The following ARMC8 variants were observed in gnomAD, a reference collection of about 807,000 sequenced individuals.
ARMC8 encodes the protein armadillo repeat-containing protein 8.
In ARMC8, 20 loss-of-function variants were observed where a neutral mutation model predicts 99.3. That is an observed-to-expected ratio of 0.20 (90% confidence interval 0.14 to 0.29). The LOEUF (loss-of-function observed/expected upper bound fraction) is 0.29, where lower values mean the gene tolerates loss of function less well. ARMC8 is among the 10% of genes least tolerant of loss of function. ARMC8 has a pLI of 1.00. For synonymous variants in ARMC8, 263 were observed against 278.3 expected (o/e 0.95, Z 0.55); for missense variants, 569 against 809.5 (o/e 0.70, Z 3.60).
At chr3:138,252,599 G>A (rs1298489822) in intron 12 of ARMC8, among the ~76,000 whole-genome samples, 6 of 151,678 alleles carry the variant, frequency 4.0e-5, no homozygotes, top group Non-Finnish European at 7.4e-5. Flanking sequence ...GATTACAGGC[G>A]CCCGCCACCA....
At chr3:138,216,263 T>C (rs2108053502) in intron 2 of ARMC8, among the ~76,000 whole-genome samples, 1 of 152,256 alleles carries the variant, frequency 6.6e-6, no homozygotes, top group South Asian at 2.1e-4. Context: ...TTAAAGTCAA[T>C]TCTGTTTTTT....
chr3:138,195,872 A>AC (rs1475795961), intron 1 of ARMC8, among the ~76,000 whole-genome samples: 8 of 152,046 alleles, frequency 5.3e-5, no homozygotes, highest in African/African-American at 1.9e-4. Context: ...AAAAAAAAAA[A>AC]AACTGTTTTG....
chr3:138,246,000 C>A (rs2046863388), intron 12 of ARMC8: 1 of 985,172 alleles, frequency 1.0e-6, no homozygotes, highest in East Asian at 1.1e-4. Context: ...TCATTATTTA[C>A]TGAACATGAT....
chr3:138,243,611 AATTGC>A (rs2046735890), intron 11 of ARMC8, among the ~76,000 whole-genome samples: 1 of 152,178 alleles, frequency 6.6e-6, no homozygotes, highest in Non-Finnish European at 1.5e-5. Flanking sequence ...AACTATTAAG[AATTGC>A]CTTCAGAGCC....
chr3:138,232,553 T>C (rs1355262598), intron 6 of ARMC8, among the ~76,000 whole-genome samples: 2 of 152,212 alleles, frequency 1.3e-5, no homozygotes, highest in Non-Finnish European at 2.9e-5. Context: ...GAAATGATGT[T>C]AGTAAAAGAC....
chr3:138,190,857 GAT>G (rs2043343423), intron 1 of ARMC8, among the ~76,000 whole-genome samples: 1 of 152,186 alleles, frequency 6.6e-6, no homozygotes, highest in Non-Finnish European at 1.5e-5. Context: ...GGGAAAAATA[GAT>G]ATCAAATAAT....
At chr3:138,281,603 T>C (rs924838583) in intron 18 of ARMC8, among the ~76,000 whole-genome samples, 3 of 152,192 alleles carry the variant, frequency 2.0e-5, no homozygotes, top group African/African-American at 7.2e-5. Flanking sequence ...TTGATTTCTT[T>C]AAGATTTGAT....
At chr3:138,279,452 A>C (rs2049652159) in intron 18 of ARMC8, among the ~76,000 whole-genome samples, 2 of 152,176 alleles carry the variant, frequency 1.3e-5, no homozygotes, top group Non-Finnish European at 2.9e-5. Flanking sequence ...ATTTACTGAA[A>C]TTTGGTAAGG....
intron 12 of ARMC8, among the ~76,000 whole-genome samples, chr3:138,260,377 A>G (rs1363075939): frequency 6.6e-6 from 1 of 152,212 alleles, no homozygotes; most frequent in East Asian, 1.9e-4. Context: ...CTGAAGGCCC[A>G]GAGAGGTAAA....
chr3:138,262,928 G>A (rs1339494196), intron 12 of ARMC8, among the ~76,000 whole-genome samples: 1 of 152,204 alleles, frequency 6.6e-6, no homozygotes, highest in South Asian at 2.1e-4. Context: ...GGAAAGCTCT[G>A]TATTATCCAG....
At chr3:138,273,447 G>A (rs1440478187) in intron 17 of ARMC8, among the ~76,000 whole-genome samples, 2 of 152,018 alleles carry the variant, frequency 1.3e-5, no homozygotes, top group African/African-American at 2.4e-5. Context: ...TTTCTCATCT[G>A]CCTAAATCAC....
intron 1 of ARMC8, among the ~76,000 whole-genome samples, chr3:138,196,447 T>G (rs1454950393): frequency 1.3e-5 from 2 of 152,198 alleles, no homozygotes; most frequent in Non-Finnish European, 2.9e-5. Flanking sequence ...AGAATCTCAA[T>G]ACCTGCTTTC....
intron 16 of ARMC8, 87 bp downstream of exon 16, chr3:138,270,219 TC>T: frequency 9.4e-7 from 1 of 1,060,524 alleles, no homozygotes; most frequent in Non-Finnish European, 1.4e-6. Flanking sequence ...ATTTGAAATG[TC>T]TGGAATTTTC....
At chr3:138,273,927 C>G (rs2049020967) in intron 17 of ARMC8, among the ~76,000 whole-genome samples, 2 of 151,638 alleles carry the variant, frequency 1.3e-5, no homozygotes, top group African/African-American at 4.8e-5. Context: ...AGTGATTCTT[C>G]TTTCTCAGTC....
intron 19 of ARMC8, among the ~76,000 whole-genome samples, chr3:138,286,493 G>A (rs573014962): frequency 1.3e-5 from 2 of 152,126 alleles, no homozygotes; most frequent in South Asian, 2.1e-4. Context: ...CTTGGCTTGC[G>A]TGACACCATA....
Position 138,237,377 on chromosome 3 carries a change from G to A in ARMC8, c.678G>A (p.Leu226=). The change falls in exon 8 of 22, where the codon CTG becomes CTA. Residue 226 remains leucine (L), a synonymous_variant. Transcript: ENST00000469044. ...AAAACCCCCAGGTATCGATGACCCTGGTAAATGGTAGGCTGGAGCTTTCAG... is the reference window on the plus strand; with the variant it reads ...AAAACCCCCAGGTATCGATGACCCTAGTAAATGGTAGGCTGGAGCTTTCAG... ...AFENPQVSMT[L]VNVLVDGELL... 1 of 1,613,378 alleles carries A rather than the reference G, an allele frequency of 6.2e-7. No homozygotes were observed. Among genetic ancestry groups the A allele is most frequent in the Non-Finnish European group, 8.5e-7 (1 of 1,179,638 alleles).
At chr3:138,189,420 T>C (rs2043251536) in intron 1 of ARMC8, among the ~76,000 whole-genome samples, 1 of 152,202 alleles carries the variant, frequency 6.6e-6, no homozygotes, top group Non-Finnish European at 1.5e-5. Context: ...TTTACTAATT[T>C]AAAGTGAAAC....
At chr3:138,261,335 G>T (rs915717515) in intron 12 of ARMC8, 1 of 152,210 alleles carries the variant, frequency 6.6e-6, no homozygotes, top group African/African-American at 2.4e-5. Context: ...GGGTGGCTGG[G>T]AGAATGTTAA....
chr3:138,264,738 A>G (rs577670632), intron 14 of ARMC8, among the ~76,000 whole-genome samples: 2 of 149,676 alleles, frequency 1.3e-5, no homozygotes, highest in Admixed American at 1.3e-4. Flanking sequence ...TTCTTTTATT[A>G]ACTAAGCTTT....
Sources: allele counts gnomAD v4.1 joint callset (sites outside exome capture counted in the v4.1 genomes callset), GRCh38; gene constraint gnomAD v4.1.1; transcripts MANE v1.5; gene names NCBI Gene and HGNC (gene_info 2026-07-23, HGNC 2026-07-21).